COBL: variants seen among roughly 807,000 people sequenced by gnomAD.
COBL encodes the protein cordon-bleu WH2 repeat protein.
In COBL, 51 loss-of-function variants were observed where a neutral mutation model predicts 98.8. That is an observed-to-expected ratio of 0.52 (90% CI 0.41 to 0.65). The LOEUF is 0.65. COBL is among the 30% of genes least tolerant of loss of function. The probability of loss-of-function intolerance (pLI) is 0.00; values close to 1 mark genes in which losing one functional copy is unlikely to be tolerated. For missense variants in COBL, 1,617 were observed against 1,617.5 expected (o/e 1.00, Z 0.01); for synonymous variants, 634 against 651.7 (o/e 0.97, Z 0.41).
chr7:51,162,107 T>C (rs558118546), intron 5 of COBL, among the ~76,000 whole-genome samples: 15 of 152,332 alleles, frequency 9.8e-5, no homozygotes, highest in Non-Finnish European at 1.8e-4. Flanking sequence ...CAACTGACTA[T>C]GTGACCTCCC....
In COBL at chr7:51,250,605, C is replaced by G. The variant is rs185065177; in HGVS notation, c.42-30661G>C. ...GCAAGTATCTTTTATTGTCCAGGTA[C>G]TTTTAAAAAACAAACTGAAATTTCT... On this transcript the variant is annotated intron_variant, in intron 1 of 12. Coordinates refer to ENST00000265136, the MANE Select transcript of COBL (RefSeq NM_015198.5). 1.5e-3 allele frequency among the ~76,000 whole-genome samples: 231 copies of G among 152,304 alleles called. 2 individuals are homozygous for G. The highest frequency in any genetic ancestry group is 5.4e-3 in the African/African-American group (223 of 41,576).
intron 5 of COBL, among the ~76,000 whole-genome samples, chr7:51,162,499 C>CA (rs1786913694): frequency 6.6e-6 from 1 of 152,124 alleles, no homozygotes; most frequent in Non-Finnish European, 1.5e-5. Context: ...TGACCATCTA[C>CA]ATTAGGATTT....
chr7:51,057,848 C>T (rs1267223018), intron 7 of COBL, among the ~76,000 whole-genome samples: 1 of 152,142 alleles, frequency 6.6e-6, no homozygotes, highest in African/African-American at 2.4e-5. Context: ...TGTCCCCTTG[C>T]GAGGCAGGGA....
chr7:51,185,248 G>A (rs770866103), intron 4 of COBL, among the ~76,000 whole-genome samples: 44 of 152,302 alleles, frequency 2.9e-4, no homozygotes, highest in Middle Eastern at 6.8e-3. Context: ...TGAGAGATGC[G>A]AATGCTTGGG....
At chr7:51,206,850 T>G (rs1290395511) in intron 2 of COBL, among the ~76,000 whole-genome samples, 1 of 151,678 alleles carries the variant, frequency 6.6e-6, no homozygotes, top group Admixed American at 6.6e-5. Context: ...AACAGAAGAG[T>G]GGTTGCAGGG....
chr7:51,209,742 T>C (rs896879691), intron 2 of COBL, among the ~76,000 whole-genome samples: 9 of 152,078 alleles, frequency 5.9e-5, no homozygotes, highest in Non-Finnish European at 8.8e-5. Context: ...GGTCCCTGGA[T>C]TTCCATGAGG....
intron 8 of COBL, among the ~76,000 whole-genome samples, chr7:51,039,394 T>C (rs187650900): frequency 6.6e-6 from 1 of 152,182 alleles, no homozygotes; most frequent in South Asian, 2.1e-4. Context: ...GTCCTCACTG[T>C]AGGGATCGTG....
At position 51,138,999 on chromosome 7, in the gene COBL, A is replaced by C. The variant is rs1219694577; in HGVS notation, c.784-2668T>G. On this transcript the variant is annotated intron_variant, in intron 5 of 12. Coordinates refer to ENST00000265136, the MANE Select transcript of COBL (RefSeq NM_015198.5). ...TGTCCTGTAAGTGCCCTGAGCACTT[A>C]AGGAAGGTCTGTGCAGAATACTCCC... is the stretch of plus-strand genomic sequence containing the variant. 2.0e-5 allele frequency among the ~76,000 whole-genome samples: 3 copies of C among 152,350 alleles called. No individual in the cohort carries two copies. In the South Asian group the frequency reaches 6.2e-4, roughly 32 times the overall value.
chr7:51,113,704 G>C (rs1797033374), intron 6 of COBL, among the ~76,000 whole-genome samples: 1 of 152,126 alleles, frequency 6.6e-6, no homozygotes, highest in Non-Finnish European at 1.5e-5. Flanking sequence ...AATATTATTT[G>C]GAATAAATTT....
intron 7 of COBL, among the ~76,000 whole-genome samples, chr7:51,070,650 T>G (rs1211060428): frequency 6.6e-6 from 1 of 152,192 alleles, no homozygotes. Context: ...TTGAATTACA[T>G]TACATGAGCT....
chr7:51,189,136 C>CAATA (rs1789835765), intron 4 of COBL, among the ~76,000 whole-genome samples: 1 of 152,158 alleles, frequency 6.6e-6, no homozygotes, highest in South Asian at 2.1e-4. Flanking sequence ...ACACAAGATG[C>CAATA]ATTATTCTCA....
intron 1 of COBL, among the ~76,000 whole-genome samples, chr7:51,244,729 A>G (rs1368946763): frequency 6.6e-6 from 1 of 152,206 alleles, no homozygotes; most frequent in South Asian, 2.1e-4. Context: ...CAGGGCCCTC[A>G]GGTAGATGTT....
intron 7 of COBL, among the ~76,000 whole-genome samples, chr7:51,061,223 AAT>A (rs1253162903): frequency 1.3e-5 from 2 of 152,080 alleles, no homozygotes; most frequent in African/African-American, 4.8e-5. Flanking sequence ...TTTTGTTAAG[AAT>A]ATGTTTGTGT....
intron 1 of COBL, among the ~76,000 whole-genome samples, chr7:51,250,802 C>T (rs1796665166): frequency 6.6e-6 from 1 of 152,168 alleles, no homozygotes; most frequent in Non-Finnish European, 1.5e-5. Context: ...TGACAATGGG[C>T]TGGATTTCAG....
chr7:51,135,254 C>T (rs1238054872), intron 6 of COBL, among the ~76,000 whole-genome samples: 1 of 152,214 alleles, frequency 6.6e-6, no homozygotes, highest in Non-Finnish European at 1.5e-5. Flanking sequence ...TGAGCTACTG[C>T]ACCCGGCCTA....
intron 8 of COBL, among the ~76,000 whole-genome samples, chr7:51,039,165 C>G (rs747825145): frequency 6.6e-6 from 1 of 152,226 alleles, no homozygotes; most frequent in African/African-American, 2.4e-5. Flanking sequence ...ACTAGGGACG[C>G]TCTGCCAGGC....
rs1014406178 is a variant in COBL, at chr7:51,016,552, A to G, written c.*999T>C. On this transcript the variant is annotated 3_prime_UTR_variant, in exon 13 of 13. Coordinates refer to ENST00000265136, the MANE Select transcript of COBL (RefSeq NM_015198.5). The stretch of plus-strand genomic sequence containing the variant: ...ATTGGTGACTGGGCACCATGTGAGA[A>G]GACCACGATATCATACAAAGGGAGC... 3 of 175,472 alleles carry G rather than the reference A, an allele frequency of 1.7e-5. No individual in the cohort carries two copies. The highest frequency in any genetic ancestry group is 7.0e-5 in the African/African-American group (3 of 42,556). 10.9% of individuals were successfully genotyped at this position (175,472 alleles called of 1,614,324 possible). A position where few individuals can be genotyped will look rare whatever the true frequency, so the allele number is the denominator to read the frequency against.
chr7:51,249,884 T>C (rs755813236), intron 1 of COBL, among the ~76,000 whole-genome samples: 83 of 152,204 alleles, frequency 5.5e-4, no homozygotes, highest in Non-Finnish European at 1.0e-3. Flanking sequence ...GGCAGATCAT[T>C]TGAGGCCAGG....
intron 1 of COBL, among the ~76,000 whole-genome samples, chr7:51,271,146 C>A (rs1445055445): frequency 6.6e-6 from 1 of 152,222 alleles, no homozygotes; most frequent in Non-Finnish European, 1.5e-5. Flanking sequence ...GTGCGTGTCA[C>A]CTGTCCATGG....
Sources: allele counts gnomAD v4.1 joint callset (sites outside exome capture counted in the v4.1 genomes callset), GRCh38; gene constraint gnomAD v4.1.1; transcripts MANE v1.5; gene names NCBI Gene and HGNC (gene_info 2026-07-23, HGNC 2026-07-21).